Variants in SLC26A8 observed in about 807,000 individuals in gnomAD.
SLC26A8 encodes solute carrier family 26 member 8.
SLC26A8 carries 70 observed loss-of-function variants against 105.0 expected under a neutral mutation model. The observed-to-expected ratio is 0.67, with a 90% CI of 0.55 to 0.81. The LOEUF is 0.81. SLC26A8 is among the 40% of genes least tolerant of loss of function. The pLI, the probability that SLC26A8 is intolerant of heterozygous loss-of-function variation, is 0.00. For synonymous variants in SLC26A8, 415 were observed against 438.3 expected (o/e 0.95, Z 0.66); for missense variants, 998 against 1,181.8 (o/e 0.84, Z 2.28).
Position 36,000,002 on chromosome 6 carries a change from T to C in SLC26A8, c.435A>G (p.Gln145=), listed in dbSNP as rs1348290527. The change falls in exon 4 of 20, where the codon CAA becomes CAG. Residue 145 remains glutamine (Q), a synonymous_variant. Coordinates refer to ENST00000490799, the MANE Select transcript of SLC26A8 (RefSeq NM_052961.4). The stretch of plus-strand genomic sequence containing the variant: ...CAGTGCTGAACTCACCAATGGACAT[T>C]TGATGACACGATCCAAAAATTACAT... ...VIYVIFGSCH[Q]MSIGSFFLVS... 1 of 1,611,886 alleles carries C rather than the reference T, an allele frequency of 6.2e-7. No homozygotes were observed. Among genetic ancestry groups the C allele is most frequent in the Admixed American group, 1.7e-5 (1 of 59,976 alleles).
rs1325138193 is a variant in SLC26A8 at position 36,024,572 on chromosome 6, C to T, written c.-71G>A. The T allele has an allele frequency of 2.7e-6, 1 of 375,294 alleles. No homozygotes were observed. Among genetic ancestry groups the T allele is most frequent in the Non-Finnish European group, 5.2e-6 (1 of 192,144 alleles). 23.2% of individuals were successfully genotyped at this position (375,294 alleles called of 1,614,324 possible). ...CACGGCTCTCGCCTGGCTGGCGGCG[C>T]TGCGGACGCGGATACCGGCGGCGGT... On this transcript the variant is annotated 5_prime_UTR_variant, in exon 1 of 20. Coordinates refer to ENST00000490799, the MANE Select transcript of SLC26A8 (RefSeq NM_052961.4).
chr6:35,949,874 C>T (rs1026358007), intron 19 of SLC26A8, among the ~76,000 whole-genome samples: 2 of 151,694 alleles, frequency 1.3e-5, no homozygotes, highest in Admixed American at 6.6e-5. Flanking sequence ...GGCGCGATCT[C>T]GGCTCACTGC....
intron 8 of SLC26A8, among the ~76,000 whole-genome samples, chr6:35,979,430 C>T (rs1043357264): frequency 2.6e-5 from 4 of 151,926 alleles, no homozygotes; most frequent in East Asian, 2.0e-4. Flanking sequence ...GAGCCAAGAT[C>T]GTGCCACTGC....
At chr6:35,968,609 G>GTGTATATATATATATA (rs1168496588) in intron 11 of SLC26A8, among the ~76,000 whole-genome samples, 1 of 60,068 alleles carries the variant, frequency 1.7e-5, no homozygotes, top group Admixed American at 2.4e-4. Flanking sequence ...GTGTGTGTGT[G>GTGTATATATATATATA]TATATATATA....
intron 17 of SLC26A8, chr6:35,954,699 C>G (rs1771990321): frequency 5.7e-6 from 1 of 176,714 alleles, no homozygotes; most frequent in Non-Finnish European, 1.2e-5. Flanking sequence ...AATCCCAGAG[C>G]TTTGGTAGGC....
chr6:35,970,592 G>GCCAA (rs1772754308), intron 10 of SLC26A8, among the ~76,000 whole-genome samples: 1 of 152,176 alleles, frequency 6.6e-6, no homozygotes, highest in African/African-American at 2.4e-5. Context: ...GTTGGCCTTT[G>GCCAA]CTGATGTTAT....
intron 14 of SLC26A8, 132 bp from the exon 15 acceptor site, chr6:35,959,938 T>C (rs1261422033): frequency 2.8e-6 from 2 of 720,210 alleles, no homozygotes; most frequent in Non-Finnish European, 4.4e-6. Flanking sequence ...AGACAGAGTC[T>C]CACTCTGTTG....
chr6:35,974,683 C>T, intron 10 of SLC26A8, among the ~76,000 whole-genome samples: 1 of 152,182 alleles, frequency 6.6e-6, no homozygotes, highest in East Asian at 1.9e-4. Flanking sequence ...GAGAATGCAT[C>T]TTCCCACAGG....
At chr6:35,986,706 A>AT (rs1239575117) in intron 7 of SLC26A8, among the ~76,000 whole-genome samples, 2 of 151,842 alleles carry the variant, frequency 1.3e-5, no homozygotes, top group African/African-American at 4.8e-5. Context: ...TTTTATTTTA[A>AT]TTTTTTTAAA....
At chr6:35,960,940 T>C (rs1772283381) in intron 13 of SLC26A8, 28 bp from the exon 14 acceptor site, 7 of 1,614,024 alleles carry the variant, frequency 4.3e-6, no homozygotes, top group Non-Finnish European at 5.9e-6. Context: ...TGCCTTTAGG[T>C]CAGAGTTGGC....
At chr6:35,961,624 G>A (rs187442714) in intron 12 of SLC26A8, among the ~76,000 whole-genome samples, 8 of 152,184 alleles carry the variant, frequency 5.3e-5, no homozygotes, top group Non-Finnish European at 8.8e-5. Flanking sequence ...ATTCTCTTCC[G>A]TCCCTTTGGA....
chr6:35,995,573 T>C (rs2127352666), intron 5 of SLC26A8, among the ~76,000 whole-genome samples: 1 of 152,358 alleles, frequency 6.6e-6, no homozygotes, highest in African/African-American at 2.4e-5. Context: ...CTTAGCTATG[T>C]GACCTTGGGC....
chr6:36,017,261 G>A (rs1351676109), intron 2 of SLC26A8, among the ~76,000 whole-genome samples: 1 of 152,044 alleles, frequency 6.6e-6, no homozygotes, highest in East Asian at 1.9e-4. Context: ...TCTTGAATTT[G>A]ACAAGTTTCT....
chr6:35,958,795 C>G (rs888597595), intron 16 of SLC26A8, among the ~76,000 whole-genome samples: 8 of 152,116 alleles, frequency 5.3e-5, no homozygotes, highest in Admixed American at 5.2e-4. Flanking sequence ...GTGCTGTAGA[C>G]TAGGTGATTG....
Position 35,994,075 on chromosome 6 carries a change from T to C in SLC26A8, c.628-1401A>G, listed in dbSNP as rs375739364. Reference sequence around the variant, plus strand: ...TTTAACAGGTTTTTGTTTCAAAGCTTTCAATCAGCCCGGCACTGTGTCTCC... The same window carrying C: ...TTTAACAGGTTTTTGTTTCAAAGCTCTCAATCAGCCCGGCACTGTGTCTCC... On this transcript the variant is annotated intron_variant, in intron 5 of 19. Transcript: ENST00000490799. Among the ~76,000 whole-genome samples the C allele has an allele frequency of 2.6e-5, 4 of 151,880 alleles. 1 individual carries two copies. Among genetic ancestry groups the C allele is most frequent in the East Asian group, 3.9e-4 (2 of 5,188 alleles).
chr6:35,972,750 T>C (rs1476524229), intron 10 of SLC26A8, among the ~76,000 whole-genome samples: 2 of 152,212 alleles, frequency 1.3e-5, no homozygotes, highest in African/African-American at 4.8e-5. Context: ...TAGGCTACCT[T>C]TGAGGCAGAC....
At chr6:35,985,608 G>C (rs749623957) in intron 7 of SLC26A8, among the ~76,000 whole-genome samples, 1 of 144,818 alleles carries the variant, frequency 6.9e-6, no homozygotes, top group Admixed American at 7.2e-5. Context: ...CAGGAGAATC[G>C]TTTGAACCTG....
chr6:35,989,055 T>C (rs1235922079), intron 7 of SLC26A8, among the ~76,000 whole-genome samples: 1 of 152,072 alleles, frequency 6.6e-6, no homozygotes, highest in Non-Finnish European at 1.5e-5. Flanking sequence ...TTGGCCAGGA[T>C]GGTCTCAATC....
chr6:35,949,454 A>G (rs1581621161), intron 19 of SLC26A8, among the ~76,000 whole-genome samples: 1 of 151,858 alleles, frequency 6.6e-6, no homozygotes, highest in Non-Finnish European at 1.5e-5. Flanking sequence ...AATAAAGATT[A>G]CCCTTCAATA....
Sources: allele counts gnomAD v4.1 joint callset (sites outside exome capture counted in the v4.1 genomes callset), GRCh38; gene constraint gnomAD v4.1.1; transcripts MANE v1.5; gene names NCBI Gene and HGNC (gene_info 2026-07-23, HGNC 2026-07-21).